The following ZNF248 variants were observed in gnomAD, a reference collection of about 807,000 sequenced individuals.
The protein encoded by ZNF248 is KRAB protein domain.
ZNF248 carries 20 observed loss-of-function variants against 44.3 expected under a neutral mutation model. That is an observed-to-expected ratio of 0.45 (90% CI 0.32 to 0.66). The LOEUF (loss-of-function observed/expected upper bound fraction) is 0.66. ZNF248 is among the 30% of genes least tolerant of loss of function. ZNF248 has a pLI of 0.04. For synonymous variants in ZNF248, 224 were observed against 229.0 expected (o/e 0.98, Z 0.20); for missense variants, 654 against 677.0 (o/e 0.97, Z 0.38).
At chr10:37,852,904 C>T (rs1414697227) in intron 3 of ZNF248, among the ~76,000 whole-genome samples, 1 of 151,934 alleles carries the variant, frequency 6.6e-6, no homozygotes, top group African/African-American at 2.4e-5. Flanking sequence ...GCTCTGTTGC[C>T]AGGCTGGAGT....
intron 5 of ZNF248, among the ~76,000 whole-genome samples, chr10:37,835,329 G>A (rs963179433): frequency 3.3e-5 from 5 of 152,152 alleles, no homozygotes; most frequent in African/African-American, 1.2e-4. Flanking sequence ...AGGTTTATTA[G>A]TACGGTGATG....
chr10:37,819,708 G>A (rs1472604022), intron 6 of ZNF248: 1 of 784,440 alleles, frequency 1.3e-6, no homozygotes, highest in East Asian at 2.4e-5. Context: ...ATTTCTTCTT[G>A]TTCATGGTAT....
downstream of ZNF248, among the ~76,000 whole-genome samples, chr10:37,824,673 ATTTTTTTT>A (rs755411927): frequency 3.8e-5 from 3 of 79,702 alleles, no homozygotes; most frequent in South Asian, 4.9e-4. Context: ...ATTATTTTAA[ATTTTTTTT>A]TTTTTTTTTT....
At chr10:37,804,755 G>A (rs1418529876) in intron 6 of ZNF248, among the ~76,000 whole-genome samples, 3 of 152,188 alleles carry the variant, frequency 2.0e-5, no homozygotes, top group Non-Finnish European at 2.9e-5. Flanking sequence ...TATTAATAAT[G>A]TGAATCTTAA....
At chr10:37,849,342 G>C (rs1289448820) in intron 3 of ZNF248, among the ~76,000 whole-genome samples, 2 of 151,868 alleles carry the variant, frequency 1.3e-5, no homozygotes, top group Admixed American at 1.3e-4. Flanking sequence ...TTAAAAACAT[G>C]GTTAAATTGT....
chr10:37,776,852 T>G (rs1207621205), intron 6 of ZNF248, among the ~76,000 whole-genome samples: 1 of 152,192 alleles, frequency 6.6e-6, no homozygotes, highest in Non-Finnish European at 1.5e-5. Context: ...CCTGGCCATG[T>G]GACCTTCACC....
chr10:37,843,749 A>C (rs910699942), intron 3 of ZNF248, among the ~76,000 whole-genome samples: 7 of 152,234 alleles, frequency 4.6e-5, no homozygotes, highest in Non-Finnish European at 1.0e-4. Flanking sequence ...CTAAAGCTGA[A>C]AAGTAAAATG....
chr10:37,764,248 G>C, the ZNF248 span, among the ~76,000 whole-genome samples: 1 of 152,170 alleles, frequency 6.6e-6, no homozygotes, highest in South Asian at 2.1e-4. Flanking sequence ...TTGAAGATAA[G>C]GGATGAAATA....
intron 6 of ZNF248, among the ~76,000 whole-genome samples, chr10:37,801,479 C>T (rs183686389): frequency 0.013 from 1,973 of 151,534 alleles, 20 homozygotes; most frequent in Admixed American, 0.02. Context: ...TCTCATAAAG[C>T]CAAAGGCACT....
At chr10:37,778,420 T>C (rs1178808956) in intron 6 of ZNF248, among the ~76,000 whole-genome samples, 28 of 152,126 alleles carry the variant, frequency 1.8e-4, no homozygotes, top group African/African-American at 6.5e-4. Context: ...GAGTTCATTG[T>C]AGATTCTGGA....
intron 6 of ZNF248, among the ~76,000 whole-genome samples, chr10:37,778,296 G>A (rs1447243784): frequency 3.2e-4 from 48 of 152,032 alleles, no homozygotes; most frequent in African/African-American, 1.1e-3. Context: ...GTGATGATGA[G>A]CATTTTTTCA....
Position 37,831,663 on chromosome 10 carries a change from G to A in ZNF248, c.1692C>T (p.Thr564=), listed in dbSNP as rs201560969. Residue 564 remains threonine (T), a synonymous_variant, in exon 6 of 6, where the codon ACC becomes ACT. Coordinates refer to ENST00000395867, the MANE Select transcript of ZNF248 (RefSeq NM_021045.3). ...CCCTTGTGTGAATTCTCTGATGTTT[G>A]GTGAGCACTGACCTCTGACTAAAGG... The part of the protein sequence containing the change: ...GKTFSQRSVL[T]KHQRIHTRVK... The A allele has an allele frequency of 2.8e-5, 45 of 1,613,812 alleles. No individual in the cohort carries two copies. The East Asian group carries it at 8.5e-4, about 30-fold the overall frequency.
intron 3 of ZNF248, among the ~76,000 whole-genome samples, chr10:37,850,024 T>A (rs188376436): frequency 6.6e-6 from 1 of 151,740 alleles, no homozygotes; most frequent in East Asian, 1.9e-4. Context: ...TGAGCTGAGA[T>A]CACACCACTG....
chr10:37,795,822 A>T (rs1007225953), intron 6 of ZNF248: 11 of 152,200 alleles, frequency 7.2e-5, no homozygotes, highest in African/African-American at 2.7e-4. Context: ...TCTTGAATCA[A>T]CAAGATTAAT....
the ZNF248 span, among the ~76,000 whole-genome samples, chr10:37,759,415 A>G: frequency 6.6e-5 from 10 of 152,306 alleles, no homozygotes; most frequent in East Asian, 1.9e-3. Flanking sequence ...GTCAGGAAGT[A>G]TGCTAAGTTA....
At chr10:37,765,075 C>T in the ZNF248 span, among the ~76,000 whole-genome samples, 1 of 152,050 alleles carries the variant, frequency 6.6e-6, no homozygotes, top group African/African-American at 2.4e-5. Flanking sequence ...ATTCTCCTGC[C>T]TCGGCCTCCT....
intron 3 of ZNF248, among the ~76,000 whole-genome samples, chr10:37,845,616 A>T (rs2059196016): frequency 6.6e-6 from 1 of 152,176 alleles, no homozygotes; most frequent in Admixed American, 6.6e-5. Flanking sequence ...AATCATAAAC[A>T]GAGTAATGAC....
intron 5 of ZNF248, among the ~76,000 whole-genome samples, chr10:37,835,856 A>G (rs1268333456): frequency 6.6e-6 from 1 of 152,190 alleles, no homozygotes; most frequent in African/African-American, 2.4e-5. Context: ...TTTCAAATGG[A>G]TACTTCTAGT....
intron 6 of ZNF248, among the ~76,000 whole-genome samples, chr10:37,810,113 AAAGCCAGTT>A (rs1400271185): frequency 6.6e-6 from 1 of 152,232 alleles, no homozygotes. Context: ...CAGAGCAGAC[AAAGCCAGTT>A]AGGCCCTAAA....
Sources: allele counts gnomAD v4.1 joint callset (sites outside exome capture counted in the v4.1 genomes callset), GRCh38; gene constraint gnomAD v4.1.1; transcripts MANE v1.5; gene names NCBI Gene and HGNC (gene_info 2026-07-23, HGNC 2026-07-21).